NRXN3: variants seen among roughly 807,000 people sequenced by gnomAD.
NRXN3 encodes neurexin 3.
In NRXN3, 32 loss-of-function variants were observed where a neutral mutation model predicts 137.6. The ratio of observed to expected loss-of-function variants is 0.23; its 90% CI spans 0.18 to 0.31. The LOEUF is 0.31. NRXN3 is among the 10% of genes least tolerant of loss of function. The pLI, the probability that NRXN3 is intolerant of heterozygous loss-of-function variation, is 1.00. For synonymous variants in NRXN3, 798 were observed against 784.5 expected (o/e 1.02, Z -0.29); for missense variants, 1,574 against 2,062.5 (o/e 0.76, Z 4.59).
chr14:79,030,477 A>G (rs2099605985), intron 15 of NRXN3, among the ~76,000 whole-genome samples: 1 of 151,984 alleles, frequency 6.6e-6, no homozygotes, highest in Non-Finnish European at 1.5e-5. Context: ...GGCAAGGTGT[A>G]ATTTAGCTGC....
chr14:79,065,347 C>T (rs1212833123), intron 15 of NRXN3, among the ~76,000 whole-genome samples: 2 of 152,064 alleles, frequency 1.3e-5, no homozygotes, highest in African/African-American at 4.8e-5. Flanking sequence ...TTAGCACTTA[C>T]TTCATAAAGG....
intron 15 of NRXN3, among the ~76,000 whole-genome samples, chr14:79,348,697 TTAGAG>T (rs2093036312): frequency 6.6e-6 from 1 of 152,136 alleles, no homozygotes; most frequent in African/African-American, 2.4e-5. Flanking sequence ...AATTTGTCAC[TTAGAG>T]TAGGGCAGTC....
intron 14 of NRXN3, among the ~76,000 whole-genome samples, chr14:78,974,264 C>A (rs545013525): frequency 6.6e-6 from 1 of 152,328 alleles, no homozygotes; most frequent in South Asian, 2.1e-4. Flanking sequence ...GAATGCAAGA[C>A]AATCCAAGGA....
chr14:79,734,443 G>A (rs1259888339), intron 19 of NRXN3, among the ~76,000 whole-genome samples: 2 of 152,144 alleles, frequency 1.3e-5, no homozygotes, highest in African/African-American at 4.8e-5. Flanking sequence ...GCAGTCTCAC[G>A]TGATACACGT....
At chr14:79,000,056 T>C (rs1567947517) in intron 15 of NRXN3, among the ~76,000 whole-genome samples, 1 of 152,184 alleles carries the variant, frequency 6.6e-6, no homozygotes, top group Non-Finnish European at 1.5e-5. Context: ...TGCAAATTTT[T>C]ATTTCCCTGT....
chr14:78,915,361 A>C (rs1459927794), intron 10 of NRXN3, among the ~76,000 whole-genome samples: 34 of 148,386 alleles, frequency 2.3e-4, no homozygotes, highest in African/African-American at 8.4e-4. Context: ...AAAAAAAAAA[A>C]AAAAAAAAAA....
At chr14:79,065,149 A>AGTACACT (rs569108275) in intron 15 of NRXN3, among the ~76,000 whole-genome samples, 14 of 152,140 alleles carry the variant, frequency 9.2e-5, no homozygotes, top group Non-Finnish European at 2.1e-4. Context: ...TTACTTACAT[A>AGTACACT]GTACAGTGTA....
intron 15 of NRXN3, among the ~76,000 whole-genome samples, chr14:79,404,055 A>G (rs955809729): frequency 2.0e-5 from 3 of 152,214 alleles, no homozygotes; most frequent in African/African-American, 7.2e-5. Context: ...CAAAGAGTTC[A>G]TGAGGCAGAC....
intron 19 of NRXN3, among the ~76,000 whole-genome samples, chr14:79,712,826 G>A (rs542114642): frequency 4.6e-5 from 7 of 152,184 alleles, no homozygotes; most frequent in African/African-American, 1.7e-4. Flanking sequence ...ATCATCCTGC[G>A]TCTTCCTTGC....
intron 8 of NRXN3, among the ~76,000 whole-genome samples, chr14:78,786,864 G>A (rs7161181): frequency 0.98 from 148,901 of 152,232 alleles, 72,904 homozygotes; most frequent in East Asian, 1. Flanking sequence ...TCATATCTCT[G>A]TAAGAAGGGA....
intron 16 of NRXN3, among the ~76,000 whole-genome samples, chr14:79,662,880 A>G (rs559376306): frequency 1.3e-4 from 20 of 152,170 alleles, no homozygotes; most frequent in Admixed American, 2.6e-4. Context: ...CCATGATCCA[A>G]TCACCTCCCA....
intron 15 of NRXN3, among the ~76,000 whole-genome samples, chr14:79,455,001 A>G (rs1310461011): frequency 6.6e-6 from 1 of 152,238 alleles, no homozygotes; most frequent in Admixed American, 6.5e-5. Context: ...GTTTTTGTGT[A>G]GCATATTTAT....
intron 15 of NRXN3, among the ~76,000 whole-genome samples, chr14:79,336,839 A>G (rs923028744): frequency 6.6e-6 from 1 of 152,162 alleles, no homozygotes; most frequent in Non-Finnish European, 1.5e-5. Context: ...TGGATTATGA[A>G]CAACCCCAAG....
chr14:79,763,249 T>G (rs2099044810), intron 19 of NRXN3, among the ~76,000 whole-genome samples: 1 of 151,722 alleles, frequency 6.6e-6, no homozygotes, highest in Admixed American at 6.6e-5. Flanking sequence ...ACGTGCCACA[T>G]TTTCTTTATC....
In NRXN3 at chr14:78,693,656, C is replaced by CGTGTGTGT. The variant is rs4016744; in HGVS notation, c.1222-15512_1222-15505dup. 1.5e-3 allele frequency among the ~76,000 whole-genome samples: 175 copies of CGTGTGTGT among 113,980 alleles called. 2 individuals carry two copies. The highest frequency in any genetic ancestry group is 3.0e-3 in the East Asian group (11 of 3,638). 74.8% of individuals were successfully genotyped at this position (113,980 alleles called of 152,430 possible). A position where few individuals can be genotyped will look rare whatever the true frequency, so the allele number is the denominator to read the frequency against. On this transcript the variant is annotated intron_variant, in intron 6 of 20. Transcript: ENST00000335750. ...TGCAATAGCTTTTCAAGTTGATTTT[C>CGTGTGTGT]GTGTGTGTGTGTGTGTGTGTGTGTG...
intron 16 of NRXN3, among the ~76,000 whole-genome samples, chr14:79,524,078 A>C (rs577159075): frequency 6.6e-6 from 1 of 152,220 alleles, no homozygotes; most frequent in African/African-American, 2.4e-5. Flanking sequence ...TGACAAAACT[A>C]TCTTGCGGAG....
At chr14:79,454,218 G>A (rs755922760) in intron 15 of NRXN3, among the ~76,000 whole-genome samples, 1 of 151,970 alleles carries the variant, frequency 6.6e-6, no homozygotes, top group African/African-American at 2.4e-5. Context: ...CAAGAAGCTG[G>A]GACTACAGGT....
chr14:78,795,305 C>T (rs2098818253), intron 8 of NRXN3, among the ~76,000 whole-genome samples: 1 of 152,150 alleles, frequency 6.6e-6, no homozygotes, highest in Non-Finnish European at 1.5e-5. Flanking sequence ...CCCTGGATTG[C>T]TCCTTTAACA....
chr14:79,002,061 T>C (rs1406597595), intron 15 of NRXN3, among the ~76,000 whole-genome samples: 2 of 152,200 alleles, frequency 1.3e-5, no homozygotes, highest in Non-Finnish European at 2.9e-5. Context: ...ACTTTGTGCT[T>C]ACTATAGTTT....
Sources: gnomAD v4.1 joint callset for allele counts (sites outside exome capture counted in the v4.1 genomes callset) on GRCh38, gnomAD v4.1.1 for gene constraint, MANE v1.5 for transcripts, NCBI Gene and HGNC (gene_info 2026-07-23, HGNC 2026-07-21) for gene names.